Variants in GNPTAB observed in about 807,000 individuals in gnomAD.
The protein encoded by GNPTAB is N-acetylglucosamine-1-phosphate transferase subunits alpha and beta.
Under a neutral mutation model 136.6 loss-of-function variants are expected in GNPTAB, and 92 were observed. The ratio of observed to expected loss-of-function variants is 0.67; its 90% CI spans 0.57 to 0.80. GNPTAB has a LOEUF of 0.80. GNPTAB is among the 30% of genes least tolerant of loss of function. The probability of loss-of-function intolerance (pLI) is 0.00; values close to 1 mark genes in which losing one functional copy is unlikely to be tolerated. For missense variants in GNPTAB, 1,343 were observed against 1,501.8 expected (o/e 0.89, Z 1.75); for synonymous variants, 512 against 535.1 (o/e 0.96, Z 0.60).
intron 16 of GNPTAB, among the ~76,000 whole-genome samples, chr12:101,758,378 T>C (rs1443268108): frequency 6.6e-6 from 1 of 152,168 alleles, no homozygotes; most frequent in African/African-American, 2.4e-5. Context: ...TTTCACCATG[T>C]TGGCCAGGCT....
intron 1 of GNPTAB, among the ~76,000 whole-genome samples, chr12:101,821,362 A>G (rs1439342284): frequency 6.6e-6 from 1 of 152,246 alleles, no homozygotes; most frequent in Non-Finnish European, 1.5e-5. Flanking sequence ...AAGATAAGGA[A>G]GATTCCATCT....
intron 1 of GNPTAB, among the ~76,000 whole-genome samples, chr12:101,812,548 G>A (rs896944776): frequency 1.3e-5 from 2 of 152,070 alleles, no homozygotes; most frequent in Non-Finnish European, 2.9e-5. Context: ...TTGAGTCCAC[G>A]AGTTCAAGAC....
chr12:101,784,830 G>A (rs1868541779), intron 5 of GNPTAB, among the ~76,000 whole-genome samples: 1 of 152,150 alleles, frequency 6.6e-6, no homozygotes, highest in South Asian at 2.1e-4. Context: ...GTTGGAAAGG[G>A]AACACGGCAG....
intron 1 of GNPTAB, among the ~76,000 whole-genome samples, chr12:101,799,549 C>T (rs557714993): frequency 6.6e-6 from 1 of 152,272 alleles, no homozygotes; most frequent in African/African-American, 2.4e-5. Context: ...CTGTTTTGTG[C>T]AAATGCTGTT....
intron 1 of GNPTAB, among the ~76,000 whole-genome samples, chr12:101,797,216 T>C (rs1462393462): frequency 6.6e-6 from 1 of 152,140 alleles, no homozygotes; most frequent in African/African-American, 2.4e-5. Context: ...AGCTGGGCCC[T>C]AAGCGTGACG....
At chr12:101,747,755 CTTTG>C (rs1952755764) in intron 20 of GNPTAB, among the ~76,000 whole-genome samples, 1 of 115,662 alleles carries the variant, frequency 8.6e-6, no homozygotes, top group African/African-American at 3.6e-5. Context: ...GCATTGGCTG[CTTTG>C]TTTGTGAAGG....
intron 19 of GNPTAB, 116 bp downstream of exon 19, chr12:101,753,256 A>G: frequency 1.0e-6 from 1 of 979,360 alleles, no homozygotes; most frequent in South Asian, 1.5e-5. Flanking sequence ...TCCGTCTCAA[A>G]AAAAAAAAAT....
chr12:101,804,144 C>G (rs1869805415), intron 1 of GNPTAB, among the ~76,000 whole-genome samples: 1 of 151,914 alleles, frequency 6.6e-6, no homozygotes, highest in Admixed American at 6.6e-5. Context: ...AGCCCAGGAG[C>G]CGGAGGTTGC....
At position 101,767,782 on chromosome 12, in the gene GNPTAB, T is replaced by C. The variant is rs922680230; in HGVS notation, c.1408+255A>G. ...GGACTACAGGTTTGCACCACCACACTTGGCTAATTTTTTTTGATAGAGATG... is the reference window on the plus strand; with the variant it reads ...GGACTACAGGTTTGCACCACCACACCTGGCTAATTTTTTTTGATAGAGATG... On this transcript the variant is annotated intron_variant, in intron 11 of 20. Coordinates refer to ENST00000299314, the MANE Select transcript of GNPTAB (RefSeq NM_024312.5). The C allele has an allele frequency of 2.3e-5, 14 of 608,554 alleles. No individual in the cohort carries two copies. The Admixed American group carries it at 2.8e-4, about 12-fold the overall frequency. The allele number at this position is 608,554 out of a possible 1,614,324, so 37.7% of individuals were successfully genotyped here. A position where few individuals can be genotyped will look rare whatever the true frequency, so the allele number is the denominator to read the frequency against.
rs180924143 is a variant in GNPTAB at position 101,788,294 on chromosome 12, A to C, written c.365+254T>G. On this transcript the variant is annotated intron_variant, in intron 4 of 20. Coordinates refer to ENST00000299314, the MANE Select transcript of GNPTAB (RefSeq NM_024312.5). ...ATAACAATGCACCAAGAGGGAACTA[A>C]AGAGAAGGAAATCTTGGGACTCTAA... 1.7e-3 allele frequency among the ~76,000 whole-genome samples: 257 copies of C among 152,352 alleles called. 1 individual carries two copies. Among genetic ancestry groups the C allele is most frequent in the Middle Eastern group, 0.01 (3 of 294 alleles).
At chr12:101,765,659 A>G (rs1953079909) in intron 12 of GNPTAB, 1 of 361,264 alleles carries the variant, frequency 2.8e-6, no homozygotes, top group African/African-American at 2.1e-5. Flanking sequence ...GAGATATGGC[A>G]TGGTTCTTAA....
At chr12:101,759,017 C>T (rs1952946999) in intron 16 of GNPTAB, among the ~76,000 whole-genome samples, 1 of 152,136 alleles carries the variant, frequency 6.6e-6, no homozygotes, top group Non-Finnish European at 1.5e-5. Flanking sequence ...TATAGTTCAA[C>T]TCATACTGTC....
At chr12:101,751,863 T>C (rs1476550240) in intron 19 of GNPTAB, among the ~76,000 whole-genome samples, 1 of 152,208 alleles carries the variant, frequency 6.6e-6, no homozygotes, top group Non-Finnish European at 1.5e-5. Flanking sequence ...TCCAGGTTCA[T>C]ACGCGGGCTC....
In GNPTAB at chr12:101,769,273, C is replaced by T. The variant is rs186111302; in HGVS notation, c.1284+748G>A. Among the ~76,000 whole-genome samples the T allele has an allele frequency of 2.0e-5, 3 of 152,300 alleles. No individual in the cohort carries two copies. The East Asian group carries it at 5.8e-4, about 29-fold the overall frequency. The stretch of plus-strand genomic sequence containing the variant: ...TTGGCCCCTAAGTCTGTACTCTTAA[C>T]CACTTCTCCATCCCACCTCTCACAA... On this transcript the variant is annotated intron_variant, in intron 10 of 20. Transcript: ENST00000299314.
intron 13 of GNPTAB, among the ~76,000 whole-genome samples, chr12:101,762,456 T>C (rs1953012784): frequency 2.0e-5 from 3 of 152,212 alleles, no homozygotes; most frequent in African/African-American, 7.2e-5. Flanking sequence ...TTAAAGTTTA[T>C]ACCTGCTAAG....
intron 10 of GNPTAB, among the ~76,000 whole-genome samples, chr12:101,768,406 C>G (rs1397697579): frequency 6.6e-6 from 1 of 152,188 alleles, no homozygotes; most frequent in African/African-American, 2.4e-5. Context: ...GGAAAGCAGA[C>G]AAGGATTCAA....
At chr12:101,818,247 C>T (rs1187167547) in intron 1 of GNPTAB, among the ~76,000 whole-genome samples, 2 of 152,196 alleles carry the variant, frequency 1.3e-5, no homozygotes, top group African/African-American at 2.4e-5. Context: ...AGGTATCACA[C>T]CATCTGAGAA....
At chr12:101,824,272 C>T (rs1870957799) in intron 1 of GNPTAB, among the ~76,000 whole-genome samples, 2 of 151,480 alleles carry the variant, frequency 1.3e-5, no homozygotes, top group African/African-American at 2.4e-5. Flanking sequence ...AGCAGCAATC[C>T]TTGTTCTCAT....
chr12:101,761,029 C>A, intron 15 of GNPTAB, 98 bp downstream of exon 15: 1 of 889,216 alleles, frequency 1.1e-6, no homozygotes, highest in Admixed American at 2.0e-5. Context: ...GCCTCAGCAT[C>A]CCAAAGTGCT....
Sources: allele counts gnomAD v4.1 joint callset (sites outside exome capture counted in the v4.1 genomes callset), GRCh38; gene constraint gnomAD v4.1.1; transcripts MANE v1.5; gene names NCBI Gene and HGNC (gene_info 2026-07-23, HGNC 2026-07-21).